The following AP3B2 variants were observed in gnomAD, a reference collection of about 807,000 sequenced individuals.
The protein encoded by AP3B2 is adaptor related protein complex 3 subunit beta 2, also known as AP-3 complex subunit beta-2.
AP3B2 carries 50 observed loss-of-function variants against 126.9 expected under a neutral mutation model. The ratio of observed to expected loss-of-function variants is 0.39; its 90% confidence interval spans 0.31 to 0.50. The LOEUF (loss-of-function observed/expected upper bound fraction) is 0.50, where lower values mean the gene tolerates loss of function less well. Ranked by LOEUF, AP3B2 falls within the 20% of genes least tolerant of loss-of-function variation. The pLI is 0.79. For synonymous variants in AP3B2, 541 were observed against 565.0 expected (o/e 0.96, Z 0.60); for missense variants, 1,177 against 1,426.4 (o/e 0.83, Z 2.82).
chr15:82,664,804 A>T lies in AP3B2; in HGVS notation c.2137+31T>A. Reference sequence around the variant, plus strand: ...AGTCACACAGATGCATGGGCAGAGCACAGAGGACCCCAGCTCTGCCATCTG... The same window carrying T: ...AGTCACACAGATGCATGGGCAGAGCTCAGAGGACCCCAGCTCTGCCATCTG... On this transcript the variant is annotated intron_variant, in intron 18 of 26. Transcript: ENST00000535359. This position sits in a 1 kb window ranked among gnomAD's most constrained non-coding sequence, Gnocchi z 4.5. 3.4e-6 allele frequency: 5 copies of T among 1,486,656 alleles called. No homozygotes were observed. Among genetic ancestry groups the T allele is most frequent in the Non-Finnish European group, 3.7e-6 (4 of 1,082,550 alleles). The allele number at this position is 1,486,656 out of a possible 1,614,324, so 92.1% of individuals were successfully genotyped here.
intron 1 of AP3B2, among the ~76,000 whole-genome samples, chr15:82,709,142 C>T (rs1197350683): frequency 1.3e-5 from 2 of 152,058 alleles, no homozygotes; most frequent in Non-Finnish European, 2.9e-5. Context: ...TGCAGCAGGG[C>T]CAAGCTGGGA....
intron 11 of AP3B2, 125 bp from the exon 12 acceptor site, chr15:82,677,928 C>A (rs904924621): frequency 1.5e-6 from 2 of 1,339,406 alleles, no homozygotes; most frequent in African/African-American, 2.9e-5. Flanking sequence ...AAGGGGGTGA[C>A]AACTCCACCC....
intron 24 of AP3B2, 44 bp from the exon 25 acceptor site, chr15:82,661,966 C>G (rs781686756): frequency 1.3e-6 from 2 of 1,553,480 alleles, no homozygotes; most frequent in East Asian, 4.5e-5. Flanking sequence ...AGGCTGTCAT[C>G]TCTCCCCTCA....
intron 1 of AP3B2, 148 bp downstream of exon 1, chr15:82,709,446 C>A: frequency 3.0e-6 from 1 of 338,480 alleles, no homozygotes; most frequent in Non-Finnish European, 4.2e-6. Flanking sequence ...GCCGGGGCTC[C>A]AGGCCGCAGG....
At position 82,663,785 on chromosome 15, in the gene AP3B2, G is replaced by A. The variant is rs750249098; in HGVS notation, c.2436+16C>T. The A allele has an allele frequency of 2.5e-6, 4 of 1,609,048 alleles. No homozygotes were observed. Among genetic ancestry groups the A allele is most frequent in the South Asian group, 2.2e-5 (2 of 90,216 alleles). On this transcript the variant is annotated intron_variant, in intron 20 of 26. Coordinates refer to ENST00000535359, the MANE Select transcript of AP3B2 (RefSeq NM_001278512.2). ...TGGCCCATGAGCACACCCTGACTCT[G>A]CCCCAAGGCTCTCACTGTTTTCCTG...
chr15:82,690,105 C>G (rs144048683), intron 1 of AP3B2, among the ~76,000 whole-genome samples: 2 of 152,180 alleles, frequency 1.3e-5, no homozygotes, highest in Non-Finnish European at 2.9e-5. Flanking sequence ...CTAGAAGGGG[C>G]AAAGAAGGAT....
At position 82,680,348 on chromosome 15, in the gene AP3B2, A is replaced by G. The variant is rs572863401; in HGVS notation, c.1056-119T>C. 1.8e-4 allele frequency: 272 copies of G among 1,518,674 alleles called. No individual in the cohort carries two copies. Among genetic ancestry groups the G allele is most frequent in the Non-Finnish European group, 2.2e-4 (250 of 1,123,138 alleles). The allele number at this position is 1,518,674 out of a possible 1,614,324, so 94.1% of individuals were successfully genotyped here. A position where few individuals can be genotyped will look rare whatever the true frequency, so the allele number is the denominator to read the frequency against. The stretch of plus-strand genomic sequence containing the variant: ...GAGGACCAGTGCGGAGGGCAGGACT[A>G]CGGTCAGTGTGGAGCGGGTGGGCAG... On this transcript the variant is annotated intron_variant, in intron 8 of 26. Transcript: ENST00000535359. This position sits in a 1 kb window ranked among gnomAD's most constrained non-coding sequence, Gnocchi z 6.1.
In AP3B2 at chr15:82,681,533, G is replaced by T; in HGVS notation, c.408C>A (p.Ser136Arg). 6.2e-7 allele frequency: 1 copy of T among 1,613,962 alleles called. No individual in the cohort carries two copies. The highest frequency in any genetic ancestry group is 8.5e-7 in the Non-Finnish European group (1 of 1,179,888). The change falls in exon 5 of 27, where the codon AGC becomes AGA. Residue 136 changes from serine to arginine, a missense_variant. By Grantham distance (110) the Ser-to-Arg change is moderately radical (BLOSUM62 -1). Transcript: ENST00000535359. This position sits in a 1 kb window ranked among gnomAD's most constrained non-coding sequence, Gnocchi z 4.0. The part of the protein sequence containing the change: ...IRASALRVLS[S>R]IRVPIIVPIM... ...TGGGCACTATGATGGGCACACGGATGCTAGAGAGGACACGGAGGGCACTGG... is the reference window on the plus strand; with the variant it reads ...TGGGCACTATGATGGGCACACGGATTCTAGAGAGGACACGGAGGGCACTGG...
chr15:82,702,084 T>C (rs1317921317), intron 1 of AP3B2, among the ~76,000 whole-genome samples: 1 of 152,212 alleles, frequency 6.6e-6, no homozygotes, highest in Admixed American at 6.5e-5. Context: ...GGTTCAGACT[T>C]GTGCAGTGTC....
intron 4 of AP3B2, among the ~76,000 whole-genome samples, chr15:82,683,748 G>A (rs560726360): frequency 2.8e-4 from 42 of 152,226 alleles, no homozygotes; most frequent in South Asian, 1.0e-3. Flanking sequence ...GGCAGCTCTA[G>A]CCTTACGAGA....
In AP3B2 at chr15:82,671,470, G is replaced by A. The variant is rs544459934; in HGVS notation, c.1666-4537C>T. Among the ~76,000 whole-genome samples, 3 of 152,288 alleles carry A rather than the reference G, an allele frequency of 2.0e-5. No individual in the cohort carries two copies. In the South Asian group the frequency reaches 6.2e-4, roughly 32 times the overall value. On this transcript the variant is annotated intron_variant, in intron 14 of 26. Coordinates refer to ENST00000535359, the MANE Select transcript of AP3B2 (RefSeq NM_001278512.2). ...AAACTAAACATAGGCCGGGCACGGT[G>A]GCTCACACCTGTAATCCCAGCACTT...
intron 14 of AP3B2, among the ~76,000 whole-genome samples, chr15:82,670,173 G>T (rs1437925844): frequency 1.1e-4 from 16 of 140,356 alleles, no homozygotes; most frequent in African/African-American, 4.2e-4. Flanking sequence ...GCAGTGGCGC[G>T]ATCTTGGCTC....
rs751755116 is a variant in AP3B2, at chr15:82,677,291, G to T, written c.1471C>A (p.Leu491Ile). Residue 491 changes from leucine (L) to isoleucine (I), a missense_variant, in exon 13 of 27, where the codon CTT becomes ATT. Physicochemically the swap from Leu to Ile is conservative, Grantham distance 5. Around this residue, in one of 5 missense-constraint regions of AP3B2, gnomAD observed 308 missense variants for 452.4 expected, o/e 0.68. Coordinates refer to ENST00000535359, the MANE Select transcript of AP3B2 (RefSeq NM_001278512.2). The part of the protein sequence containing the change: ...HGEIIKHLAK[L>I]TDNIQVPMAR... The stretch of plus-strand genomic sequence containing the variant: ...TCCCTCACCTGGATGTTGTCTGTAA[G>T]CTTTGCCAAGTGTTTGATGATCTCT... 1.3e-5 allele frequency: 21 copies of T among 1,613,488 alleles called. No individual in the cohort carries two copies. The highest frequency in any genetic ancestry group is 7.6e-6 in the Non-Finnish European group (9 of 1,179,756).
intron 14 of AP3B2, among the ~76,000 whole-genome samples, chr15:82,668,495 C>A (rs2048095347): frequency 6.6e-6 from 1 of 152,206 alleles, no homozygotes; most frequent in African/African-American, 2.4e-5. Context: ...TCTTCCTCCA[C>A]AGATTTCCCA....
Position 82,662,898 on chromosome 15 carries a change from C to G in AP3B2, c.2629G>C (p.Gly877Arg). 1 of 1,613,238 alleles carries G rather than the reference C, an allele frequency of 6.2e-7. No individual in the cohort carries two copies. The highest frequency in any genetic ancestry group is 8.5e-7 in the Non-Finnish European group (1 of 1,179,756). Reference protein sequence around the residue: ...PSLLSPVSGVGRQELLHRVAG... With the variant: ...PSLLSPVSGVRRQELLHRVAG... Reference sequence around the variant, plus strand: ...ACCCGGTGCAGCAGCTCCTGCCGCCCAACACCCGATACTGGACTCAGAAGC... The same window carrying G: ...ACCCGGTGCAGCAGCTCCTGCCGCCGAACACCCGATACTGGACTCAGAAGC... Residue 877 changes from glycine to arginine, a missense_variant, in exon 23 of 27, where the codon GGG (glycine) becomes CGG (arginine). Gly to Arg is a moderately radical substitution (Grantham distance 125, BLOSUM62 -2). Transcript: ENST00000535359.
chr15:82,689,050 T>G, intron 3 of AP3B2, 108 bp downstream of exon 3: 2 of 1,287,986 alleles, frequency 1.6e-6, no homozygotes, highest in Non-Finnish European at 2.2e-6. Context: ...GAGACATTTC[T>G]CAGCAGGTCG....
At chr15:82,690,955 C>T (rs1220826404) in intron 1 of AP3B2, among the ~76,000 whole-genome samples, 1 of 152,212 alleles carries the variant, frequency 6.6e-6, no homozygotes, top group Non-Finnish European at 1.5e-5. Context: ...GCTGGGATTA[C>T]AGGCATGAGC....
intron 1 of AP3B2, among the ~76,000 whole-genome samples, chr15:82,694,410 G>C (rs1319393813): frequency 6.6e-6 from 1 of 151,834 alleles, no homozygotes; most frequent in East Asian, 2.0e-4. Flanking sequence ...CACAGGCCAG[G>C]CATGGTGGCT....
chr15:82,706,844 T>C (rs1373704273), intron 1 of AP3B2, among the ~76,000 whole-genome samples: 2 of 152,208 alleles, frequency 1.3e-5, no homozygotes, highest in Admixed American at 1.3e-4. Context: ...CTTCTCAGTG[T>C]TCCATCTGCT....
Sources: gnomAD v4.1 joint callset for allele counts (sites outside exome capture counted in the v4.1 genomes callset) on GRCh38, gnomAD v4.1.1 for gene constraint, gnomAD v4.1.1 regional missense constraint, Gnocchi (gnomAD v3.1) non-coding constraint, MANE v1.5 for transcripts, NCBI Gene and HGNC (gene_info 2026-07-23, HGNC 2026-07-21) for gene names.